Variants in OXR1 observed in about 807,000 individuals in gnomAD.
OXR1 encodes oxidation resistance protein 1.
OXR1 carries 41 observed loss-of-function variants against 104.6 expected under a neutral mutation model. That is an observed-to-expected ratio of 0.39 (90% CI 0.31 to 0.51). The LOEUF is 0.51. Among genes scored for constraint, OXR1 ranks in the 20% least tolerant of loss-of-function variants. The probability of loss-of-function intolerance (pLI) is 0.77; values close to 1 mark genes in which losing one functional copy is unlikely to be tolerated. For missense variants in OXR1, 955 were observed against 1,031.9 expected (o/e 0.93, Z 1.02); for synonymous variants, 348 against 348.4 (o/e 1.00, Z 0.01).
intron 2 of OXR1, among the ~76,000 whole-genome samples, chr8:106,497,810 A>T (rs994059042): frequency 7.4e-6 from 1 of 135,750 alleles, no homozygotes; most frequent in African/African-American, 3.2e-5. Context: ...GTGTGTGCAC[A>T]CGCGTGTGTG....
chr8:106,295,084 C>T (rs1812936054), intron 1 of OXR1, among the ~76,000 whole-genome samples: 1 of 152,108 alleles, frequency 6.6e-6, no homozygotes, highest in Non-Finnish European at 1.5e-5. Flanking sequence ...TAATTAAATC[C>T]TTACAAGCTA....
chr8:106,667,401 C>T (rs1826453173), intron 3 of OXR1, among the ~76,000 whole-genome samples: 1 of 152,090 alleles, frequency 6.6e-6, no homozygotes, highest in Non-Finnish European at 1.5e-5. Context: ...GTACTTGGGG[C>T]ATGCACCTAT....
intron 1 of OXR1, among the ~76,000 whole-genome samples, chr8:106,349,143 T>C (rs1815618213): frequency 6.6e-6 from 1 of 152,152 alleles, no homozygotes; most frequent in Non-Finnish European, 1.5e-5. Context: ...CTGAAGATTT[T>C]TTAATTTTAA....
At chr8:106,673,776 A>T (rs1252453008) in intron 3 of OXR1, among the ~76,000 whole-genome samples, 2 of 152,140 alleles carry the variant, frequency 1.3e-5, no homozygotes. Flanking sequence ...AGCTGTGGCT[A>T]AAAAGGGCCA....
chr8:106,717,741 G>A (rs914925072), intron 11 of OXR1, among the ~76,000 whole-genome samples: 1 of 152,142 alleles, frequency 6.6e-6, no homozygotes, highest in Non-Finnish European at 1.5e-5. Flanking sequence ...CTTGGGCGTA[G>A]ATTAAAATTA....
At chr8:106,385,561 A>G (rs2130427275) in intron 2 of OXR1, among the ~76,000 whole-genome samples, 1 of 152,268 alleles carries the variant, frequency 6.6e-6, no homozygotes, top group African/African-American at 2.4e-5. Flanking sequence ...CACCCCACCA[A>G]CCTGGGGAGT....
chr8:106,428,326 G>A (rs1432254854), intron 2 of OXR1, among the ~76,000 whole-genome samples: 1 of 152,146 alleles, frequency 6.6e-6, no homozygotes, highest in Non-Finnish European at 1.5e-5. Flanking sequence ...TTGGGTAAAA[G>A]GTAGACATTT....
chr8:106,289,273 C>T (rs1229761307), intron 1 of OXR1, among the ~76,000 whole-genome samples: 1 of 152,234 alleles, frequency 6.6e-6, no homozygotes, highest in Non-Finnish European at 1.5e-5. Flanking sequence ...TCCAAAGACT[C>T]TTCCAAAATA....
chr8:106,610,668 C>G (rs1242082158), intron 3 of OXR1, among the ~76,000 whole-genome samples: 9 of 152,210 alleles, frequency 5.9e-5, no homozygotes, highest in African/African-American at 2.2e-4. Flanking sequence ...TGAGCACTTT[C>G]CTTTTCCCCT....
At chr8:106,394,480 C>T (rs1473226090) in intron 2 of OXR1, among the ~76,000 whole-genome samples, 4 of 152,012 alleles carry the variant, frequency 2.6e-5, no homozygotes, top group Admixed American at 2.6e-4. Flanking sequence ...TATCATTGTG[C>T]ATTCTGAATA....
At chr8:106,477,485 A>T (rs2129710037) in intron 2 of OXR1, among the ~76,000 whole-genome samples, 1 of 151,930 alleles carries the variant, frequency 6.6e-6, no homozygotes, top group East Asian at 1.9e-4. Context: ...CTAGACTTTG[A>T]ATGGCTCTGT....
In OXR1 at chr8:106,745,128, A is replaced by G. The variant is rs573834228; in HGVS notation, c.2413-661A>G. Among the ~76,000 whole-genome samples, 3 of 152,344 alleles carry G rather than the reference A, an allele frequency of 2.0e-5. No individual in the cohort carries two copies. In the East Asian group the frequency reaches 5.8e-4, roughly 29 times the overall value. On this transcript the variant is annotated intron_variant, in intron 15 of 16. Transcript: ENST00000517566. ...GAAAGTTTTATTGAAAACTGTAATG[A>G]ACACATTTTAAAAACTTGATAAAAG...
At chr8:106,463,288 AG>A (rs1354916859) in intron 2 of OXR1, among the ~76,000 whole-genome samples, 6 of 152,056 alleles carry the variant, frequency 3.9e-5, no homozygotes, top group Non-Finnish European at 7.4e-5. Context: ...ATTTAATGGG[AG>A]GGGGGTTTAT....
intron 3 of OXR1, among the ~76,000 whole-genome samples, chr8:106,617,091 C>T (rs957331160): frequency 9.2e-5 from 14 of 152,158 alleles, no homozygotes; most frequent in African/African-American, 3.1e-4. Context: ...AGCAGCCGGG[C>T]TATAGGTGCT....
chr8:106,281,691 A>AAG, intron 1 of OXR1, among the ~76,000 whole-genome samples: 2 of 150,430 alleles, frequency 1.3e-5, no homozygotes, highest in Admixed American at 1.3e-4. Flanking sequence ...TCCCAGCTAC[A>AAG]TGGGAGGCTG....
At chr8:106,676,733 T>C (rs1052401276) in intron 3 of OXR1, among the ~76,000 whole-genome samples, 7 of 152,074 alleles carry the variant, frequency 4.6e-5, no homozygotes, top group African/African-American at 1.7e-4. Flanking sequence ...TTGTGATTAT[T>C]TGATTGTACT....
intron 16 of OXR1, among the ~76,000 whole-genome samples, chr8:106,750,577 G>C (rs1244198171): frequency 6.6e-6 from 1 of 151,924 alleles, no homozygotes; most frequent in Non-Finnish European, 1.5e-5. Flanking sequence ...TGATCCGCTG[G>C]CCTCGGCCTC....
At chr8:106,330,594 T>C (rs1412803473) in intron 1 of OXR1, among the ~76,000 whole-genome samples, 1 of 152,174 alleles carries the variant, frequency 6.6e-6, no homozygotes, top group Admixed American at 6.5e-5. Flanking sequence ...TCTGGAGCTG[T>C]TTTGGGGAGT....
intron 2 of OXR1, among the ~76,000 whole-genome samples, chr8:106,487,236 C>G (rs1586706879): frequency 2.0e-5 from 3 of 151,450 alleles, no homozygotes; most frequent in African/African-American, 7.3e-5. Context: ...GTTGGCCAGG[C>G]TAGTCTCGAA....
Sources: allele counts gnomAD v4.1 joint callset (sites outside exome capture counted in the v4.1 genomes callset), GRCh38; gene constraint gnomAD v4.1.1; transcripts MANE v1.5; gene names NCBI Gene and HGNC (gene_info 2026-07-23, HGNC 2026-07-21).